COL4A5: variants seen among roughly 807,000 people sequenced by gnomAD.
COL4A5 encodes collagen type IV alpha 5 chain, also known as collagen alpha-5(IV) chain.
A neutral mutation model predicts 130.2 loss-of-function variants in COL4A5; 26 were observed. The ratio of observed to expected loss-of-function variants is 0.20; its 90% CI spans 0.15 to 0.28. The LOEUF is 0.28. Among genes scored for constraint, COL4A5 ranks in the 10% least tolerant of loss-of-function variants. COL4A5 has a pLI of 1.00. For missense variants in COL4A5, 1,131 were observed against 1,344.3 expected (o/e 0.84, Z 2.48); for synonymous variants, 496 against 439.6 (o/e 1.13, Z -1.60).
At chrX:108,669,822 A>G (rs1199243058) in intron 41 of COL4A5, among the ~76,000 whole-genome samples, 1 of 112,216 alleles carries the variant, frequency 8.9e-6, no homozygotes, top group African/African-American at 3.2e-5. Context: ...TAAAGAAATA[A>G]TAACAAAAGT....
At chrX:108,620,625 C>T (rs1019424355) in intron 31 of COL4A5, among the ~76,000 whole-genome samples, 199 bp downstream of exon 31, 1 of 111,944 alleles carries the variant, frequency 8.9e-6, no homozygotes, top group African/African-American at 3.2e-5. Context: ...TTATATATTA[C>T]TGTATAACAA....
intron 1 of COL4A5, among the ~76,000 whole-genome samples, chrX:108,483,930 T>A (rs2064918500): frequency 8.9e-6 from 1 of 112,441 alleles, no homozygotes; most frequent in Non-Finnish European, 1.9e-5. Flanking sequence ...GAAATGTCTA[T>A]TTAGATCTTT....
At chrX:108,468,709 T>G (rs766179508) in intron 1 of COL4A5, among the ~76,000 whole-genome samples, 3 of 110,404 alleles carry the variant, frequency 2.7e-5, no homozygotes, top group Non-Finnish European at 5.7e-5. Context: ...GGGATAATTC[T>G]CATTTGGTCA....
chrX:108,525,037 T>C (rs1439032555), intron 1 of COL4A5, among the ~76,000 whole-genome samples: 2 of 112,000 alleles, frequency 1.8e-5, no homozygotes, highest in Non-Finnish European at 3.8e-5. Context: ...AAGTCCTCTA[T>C]TTCCTTGTTG....
At chrX:108,584,895 G>T (rs2066311083) in intron 18 of COL4A5, among the ~76,000 whole-genome samples, 1 of 109,307 alleles carries the variant, frequency 9.1e-6, no homozygotes, top group Non-Finnish European at 1.9e-5. Flanking sequence ...GGGGGTGGGG[G>T]ATTGGTCCTT....
intron 18 of COL4A5, 67 bp downstream of exon 18, chrX:108,584,592 T>TC: frequency 1.1e-6 from 1 of 912,561 alleles, no homozygotes; most frequent in Non-Finnish European, 1.6e-6. Flanking sequence ...TGTGCCTTAA[T>TC]CGCATACTCC....
intron 1 of COL4A5, among the ~76,000 whole-genome samples, chrX:108,475,677 A>G (rs1456293405): frequency 9.0e-6 from 1 of 110,840 alleles, no homozygotes; most frequent in East Asian, 2.8e-4. Flanking sequence ...TGGTTTTTTA[A>G]TGAGTAGAAG....
At chrX:108,445,822 T>C (rs1196918539) in intron 1 of COL4A5, among the ~76,000 whole-genome samples, 1 of 111,823 alleles carries the variant, frequency 8.9e-6, no homozygotes. Flanking sequence ...TTGAAAAACA[T>C]AAAGAAAATA....
intron 7 of COL4A5, 145 bp from the exon 8 acceptor site, chrX:108,571,666 C>A: frequency 1.8e-6 from 1 of 565,111 alleles, no homozygotes; most frequent in Non-Finnish European, 3.0e-6. Flanking sequence ...ATATAAATGT[C>A]ACCTCTAAGT....
intron 50 of COL4A5, chrX:108,694,510 T>TA (rs751440258): frequency 2.2e-5 from 7 of 324,667 alleles, no homozygotes; most frequent in Non-Finnish European, 3.3e-5. Flanking sequence ...ACCAAACTCT[T>TA]ACGGCAATTG....
At chrX:108,565,042 A>T (rs986158075) in intron 4 of COL4A5, among the ~76,000 whole-genome samples, 6 of 111,448 alleles carry the variant, frequency 5.4e-5, no homozygotes, top group African/African-American at 2.0e-4. Context: ...AATAAAAATA[A>T]TTTTTAATAT....
chrX:108,500,918 A>G (rs1258423908), intron 1 of COL4A5, among the ~76,000 whole-genome samples: 6 of 111,279 alleles, frequency 5.4e-5, no homozygotes, highest in Non-Finnish European at 1.1e-4. Context: ...CAGAGGACCG[A>G]AGAAGAATGA....
intron 36 of COL4A5, among the ~76,000 whole-genome samples, chrX:108,632,308 T>A (rs1177149623): frequency 9.1e-6 from 1 of 109,495 alleles, no homozygotes; most frequent in Non-Finnish European, 1.9e-5. Context: ...AATAGGCCAA[T>A]AACAGGCTCT....
rs1218076386 is a variant in COL4A5, at chrX:108,697,152, C to T, written c.*774C>T. 2.7e-5 allele frequency: 3 copies of T among 111,386 alleles called. No individual in the cohort carries two copies. The highest frequency in any genetic ancestry group is 9.8e-5 in the African/African-American group (3 of 30,701). The allele number at this position is 111,386 out of a possible 1,213,427, so 9.2% of individuals were successfully genotyped here. On this transcript the variant is annotated 3_prime_UTR_variant, in exon 53 of 53. Transcript: ENST00000328300. ...TATAATATCTAATGGAGCAATTTGT[C>T]TTTTGCTATATTCTCCAAGATTATC...
chrX:108,463,161 A>G (rs1019696192), intron 1 of COL4A5, among the ~76,000 whole-genome samples: 1 of 112,123 alleles, frequency 8.9e-6, no homozygotes, highest in Non-Finnish European at 1.9e-5. Context: ...AGTAAAAAAA[A>G]GGAAGAATTT....
At chrX:108,455,018 A>T (rs112461927) in intron 1 of COL4A5, among the ~76,000 whole-genome samples, 135 of 111,992 alleles carry the variant, frequency 1.2e-3, no homozygotes, top group African/African-American at 3.9e-3. Flanking sequence ...CACCTGCGAA[A>T]CCATCACAAC....
chrX:108,635,895 A>G (rs770718963), intron 36 of COL4A5, among the ~76,000 whole-genome samples: 1 of 112,403 alleles, frequency 8.9e-6, no homozygotes, highest in African/African-American at 3.2e-5. Context: ...CAAATAGCAC[A>G]TGTTCTCACT....
intron 39 of COL4A5, 52 bp from the exon 40 acceptor site, chrX:108,667,081 G>A (rs1161161581): frequency 7.8e-6 from 9 of 1,150,090 alleles, no homozygotes; most frequent in Non-Finnish European, 5.9e-6. Context: ...CCTTGTTTCA[G>A]TTTGTATTAT....
chrX:108,609,634 C>T (rs764393917), intron 29 of COL4A5, among the ~76,000 whole-genome samples: 175 of 111,304 alleles, frequency 1.6e-3, no homozygotes, highest in African/African-American at 5.6e-3. Flanking sequence ...TTTTCTGTGT[C>T]TTGTCTAAGA....
Sources: allele counts gnomAD v4.1 joint callset (sites outside exome capture counted in the v4.1 genomes callset), GRCh38; gene constraint gnomAD v4.1.1; transcripts MANE v1.5; gene names NCBI Gene and HGNC (gene_info 2026-07-23, HGNC 2026-07-21).